The following TLR10 variants were observed in gnomAD, a reference collection of about 807,000 sequenced individuals.
TLR10 encodes the protein toll-like receptor 10.
For synonymous variants in TLR10, 288 were observed against 338.8 expected, an observed-to-expected ratio of 0.85 and a Z score of 1.65; for missense variants, 929 against 932.9, an observed-to-expected ratio of 1.00 and a Z score of 0.05.
chr4:38,775,706 G>A, intron 3 of TLR10, 54 bp from the exon 4 acceptor site: 2 of 1,123,204 alleles, frequency 1.8e-6, no homozygotes, highest in Non-Finnish European at 2.4e-6. Context: ...AATCCTGTAG[G>A]ATTTTTATTT....
At chr4:38,782,083 A>G (rs906943216) in intron 1 of TLR10, among the ~76,000 whole-genome samples, 1 of 152,178 alleles carries the variant, frequency 6.6e-6, no homozygotes, top group Non-Finnish European at 1.5e-5. Context: ...GAGGTGGCTT[A>G]AGATGTAACG....
Position 38,773,451 on chromosome 4 carries a change from G to A in TLR10, c.2140C>T (p.His714Tyr), listed in dbSNP as rs760210887. ...EWCHYEFYFA[H>Y]HNLFHENSDH... is the part of the protein sequence containing the mutation. The stretch of plus-strand genomic sequence containing the variant: ...GAATTTTCATGGAAGAGATTGTGGT[G>A]GGCAAAGTAGAATTCATAATGGCAC... The change falls in exon 4 of 4, where the codon CAC (histidine) becomes TAC (tyrosine). Residue 714 changes from histidine (H) to tyrosine (Y), a missense_variant. His to Tyr is a moderately conservative substitution (Grantham distance 83, BLOSUM62 2). Coordinates refer to ENST00000308973, the MANE Select transcript of TLR10 (RefSeq NM_030956.4). 1 of 1,611,818 alleles carries A rather than the reference G, an allele frequency of 6.2e-7. No homozygotes were observed. The highest frequency in any genetic ancestry group is 8.5e-7 in the Non-Finnish European group (1 of 1,179,198).
chr4:38,773,371 G>T lies in TLR10; in HGVS notation c.2220C>A (p.Thr740=). Residue 740 remains threonine (T), a synonymous_variant, in exon 4 of 4, where the codon ACC becomes ACA. Transcript: ENST00000308973. ...LEPIPFYCIP[T]RYHKLKALLE... is the part of the protein sequence containing the mutation. ...GGAGAGCTTTCAGTTTATGATACCT[G>T]GTGGGAATGCAATAGAATGGAATGG... 1.2e-6 allele frequency: 2 copies of T among 1,613,972 alleles called. No individual in the cohort carries two copies. Among genetic ancestry groups the T allele is most frequent in the Non-Finnish European group, 1.7e-6 (2 of 1,179,984 alleles).
At chr4:38,782,025 T>C (rs533664860) in intron 1 of TLR10, among the ~76,000 whole-genome samples, 32 of 152,316 alleles carry the variant, frequency 2.1e-4, no homozygotes, top group African/African-American at 7.0e-4. Flanking sequence ...TCTGGTTCCT[T>C]CTGGATGGTA....
chr4:38,782,383 G>A (rs1291828498), intron 1 of TLR10, among the ~76,000 whole-genome samples: 1 of 152,172 alleles, frequency 6.6e-6, no homozygotes, highest in African/African-American at 2.4e-5. Context: ...GAAACCAAAT[G>A]CTCACAGGTT....
chr4:38,778,449 T>TAAATAAAC (rs1168790897), intron 1 of TLR10, among the ~76,000 whole-genome samples: 8 of 151,688 alleles, frequency 5.3e-5, no homozygotes, highest in Non-Finnish European at 8.8e-5. Context: ...AATAAATAAA[T>TAAATAAAC]AAACAAACAA....
intron 1 of TLR10, among the ~76,000 whole-genome samples, chr4:38,782,487 C>T (rs1370256183): frequency 1.3e-5 from 2 of 152,202 alleles, no homozygotes; most frequent in Admixed American, 6.5e-5. Context: ...CAAGATCCAT[C>T]AGATCTGCCC....
rs2078463375 is a variant in TLR10, at chr4:38,775,840, G to A, written c.-128C>T. ...GAGAAGTCTCCAAGCTGGCTACTGTGCCATGTCTCCGTTGTTGAGGTAAGT... is the reference window on the plus strand; with the variant it reads ...GAGAAGTCTCCAAGCTGGCTACTGTACCATGTCTCCGTTGTTGAGGTAAGT... On this transcript the variant is annotated 5_prime_UTR_variant, in exon 3 of 4. Coordinates refer to ENST00000308973, the MANE Select transcript of TLR10 (RefSeq NM_030956.4). 2.9e-6 allele frequency: 1 copy of A among 346,794 alleles called. No individual in the cohort carries two copies. Among genetic ancestry groups the A allele is most frequent in the Non-Finnish European group, 5.1e-6 (1 of 194,298 alleles). The allele number at this position is 346,794 out of a possible 1,614,324, so 21.5% of individuals were successfully genotyped here.
At chr4:38,776,635 G>A (rs553335851) in intron 1 of TLR10, among the ~76,000 whole-genome samples, 3 of 152,292 alleles carry the variant, frequency 2.0e-5, no homozygotes, top group African/African-American at 4.8e-5. Context: ...TGGATTAGAC[G>A]TAGAACAGAG....
Position 38,775,660 on chromosome 4 carries a change from A to T in TLR10, c.-62-8T>A. The T allele has an allele frequency of 1.4e-6, 2 of 1,389,902 alleles. No individual in the cohort carries two copies. The highest frequency in any genetic ancestry group is 4.8e-5 in the East Asian group (2 of 42,036). The allele number at this position is 1,389,902 out of a possible 1,614,324, so 86.1% of individuals were successfully genotyped here. A position where few individuals can be genotyped will look rare whatever the true frequency, so the allele number is the denominator to read the frequency against. Reference sequence around the variant, plus strand: ...GAAGATGAGCTCAAAACCCTAAAAAAAAGTATATAATATTAGATTTTTATT... The same window carrying T: ...GAAGATGAGCTCAAAACCCTAAAAATAAGTATATAATATTAGATTTTTATT... On this transcript the variant is annotated splice_region_variant and splice_polypyrimidine_tract_variant and intron_variant, in intron 3 of 3. Transcript: ENST00000308973.
At position 38,773,606 on chromosome 4, in the gene TLR10, GA is replaced by G; in HGVS notation, c.1984del (p.Ser662LeufsTer3). 1 of 1,601,508 alleles carries G rather than the reference GA, an allele frequency of 6.2e-7. No individual in the cohort carries two copies. The highest frequency in any genetic ancestry group is 1.3e-5 in the African/African-American group (1 of 74,638). On this transcript the variant is annotated frameshift_variant, in exon 4 of 4. Coordinates refer to ENST00000308973, the MANE Select transcript of TLR10 (RefSeq NM_030956.4). LOFTEE classifies it low-confidence loss of function (END_TRUNC). The stretch of plus-strand genomic sequence containing the variant: ...GCTTTCATAAAGGCAAATCAAGATA[GA>G]ACCATCTTCCTTCTCTAGATTGGGG... ...LIPNLEKEDG[S>X]ILICLYESYF...
intron 1 of TLR10, among the ~76,000 whole-genome samples, chr4:38,781,179 A>G (rs1725384887): frequency 1.3e-5 from 2 of 152,158 alleles, no homozygotes; most frequent in African/African-American, 4.8e-5. Context: ...TATAAAAACA[A>G]CTTTTACATA....
rs1173781446 is a variant in TLR10 at position 38,774,909 on chromosome 4, A to G, written c.682T>C (p.Phe228Leu). 1 of 1,611,326 alleles carries G rather than the reference A, an allele frequency of 6.2e-7. No individual in the cohort carries two copies. Among genetic ancestry groups the G allele is most frequent in the African/African-American group, 1.3e-5 (1 of 74,884 alleles). The change falls in exon 4 of 4, where the codon TTT becomes CTT. Residue 228 changes from phenylalanine to leucine, a missense_variant. Transcript: ENST00000308973. ...EMTNIDGKSQ[F>L]VSYEMQRNLS... ...TTTCGTTGCATTTCATAACTTACAAATTGGCTTTTGCCATCTATATTTGTC... is the reference window on the plus strand; with the variant it reads ...TTTCGTTGCATTTCATAACTTACAAGTTGGCTTTTGCCATCTATATTTGTC...
rs367886484 is a variant in TLR10 at position 38,777,753 on chromosome 4, C to A, written c.-568-1327G>T. Among the ~76,000 whole-genome samples, 35 of 152,176 alleles carry A rather than the reference C, an allele frequency of 2.3e-4. 1 individual carries two copies. In the East Asian group the frequency reaches 4.4e-3, roughly 19 times the overall value. On this transcript the variant is annotated intron_variant, in intron 1 of 3. Transcript: ENST00000308973. ...GCAAATCAAAACCACAATGAGATACCATCTCATGCCTGTTAGAATGGTGAT... is the reference window on the plus strand; with the variant it reads ...GCAAATCAAAACCACAATGAGATACAATCTCATGCCTGTTAGAATGGTGAT...
rs1457994480 is a variant in TLR10 at position 38,772,902 on chromosome 4, T to C, written c.*253A>G. The C allele has an allele frequency of 8.0e-6, 2 of 250,616 alleles. No homozygotes were observed. Among genetic ancestry groups the C allele is most frequent in the East Asian group, 1.7e-4 (2 of 11,690 alleles). The allele number at this position is 250,616 out of a possible 1,614,324, so 15.5% of individuals were successfully genotyped here. ...TCCCATAGTGCTGGGATTACAAGAG[T>C]GAGCCACTGCACCTGGCCACATTTT... On this transcript the variant is annotated 3_prime_UTR_variant, in exon 4 of 4. Coordinates refer to ENST00000308973, the MANE Select transcript of TLR10 (RefSeq NM_030956.4).
In TLR10 at chr4:38,773,077, A is replaced by G. The variant is rs1724732297; in HGVS notation, c.*78T>C. ...TTTTTTATTTTAATAAATATTGTCAAATTGCCATCATAAAGGTTGTATCAA... is the reference window on the plus strand; with the variant it reads ...TTTTTTATTTTAATAAATATTGTCAGATTGCCATCATAAAGGTTGTATCAA... On this transcript the variant is annotated 3_prime_UTR_variant, in exon 4 of 4. Transcript: ENST00000308973. 1 of 1,297,346 alleles carries G rather than the reference A, an allele frequency of 7.7e-7. No individual in the cohort carries two copies. The highest frequency in any genetic ancestry group is 2.6e-5 in the East Asian group (1 of 38,710). 80.4% of individuals were successfully genotyped at this position (1,297,346 alleles called of 1,614,324 possible).
At position 38,773,627 on chromosome 4, in the gene TLR10, T is replaced by C; in HGVS notation, c.1964A>G (p.Asn655Ser). 1 of 1,602,850 alleles carries C rather than the reference T, an allele frequency of 6.2e-7. No individual in the cohort carries two copies. Among genetic ancestry groups the C allele is most frequent in the South Asian group, 1.1e-5 (1 of 88,700 alleles). The change falls in exon 4 of 4, where the codon AAT becomes AGT. Residue 655 changes from asparagine (N) to serine (S), a missense_variant. Coordinates refer to ENST00000308973, the MANE Select transcript of TLR10 (RefSeq NM_030956.4). ...SLWVKNELIP[N>S]LEKEDGSILI... ...GATAGAACCATCTTCCTTCTCTAGA[T>C]TGGGGATCAATTCATTCTTCACCCA... is the stretch of plus-strand genomic sequence containing the variant.
In TLR10 at chr4:38,775,890, T is replaced by C; in HGVS notation, c.-178A>G. The stretch of plus-strand genomic sequence containing the variant: ...TCAGGATTCTCAGAGAGGAGAAGCA[T>C]AATGGACCTTTGGTTTAAGAACTGC... On this transcript the variant is annotated 5_prime_UTR_variant, in exon 3 of 4. The change abolishes an upstream ATG in the 5' untranslated region. Coordinates refer to ENST00000308973, the MANE Select transcript of TLR10 (RefSeq NM_030956.4). The C allele has an allele frequency of 4.1e-6, 1 of 243,606 alleles. No homozygotes were observed. The highest frequency in any genetic ancestry group is 7.9e-6 in the Non-Finnish European group (1 of 127,018). 15.1% of individuals were successfully genotyped at this position (243,606 alleles called of 1,614,324 possible).
intron 3 of TLR10, 31 bp from the exon 4 acceptor site, chr4:38,775,683 A>G (rs930103790): frequency 4.0e-6 from 5 of 1,256,680 alleles, no homozygotes; most frequent in African/African-American, 1.5e-5. Context: ...TTAGATTTTT[A>G]TTTGGTTTGT....
Sources: allele counts gnomAD v4.1 joint callset (sites outside exome capture counted in the v4.1 genomes callset), GRCh38; gene constraint gnomAD v4.1.1; transcripts MANE v1.5; gene names NCBI Gene and HGNC (gene_info 2026-07-23, HGNC 2026-07-21).